SCAI: variants seen among roughly 807,000 people sequenced by gnomAD.
The protein encoded by SCAI is protein SCAI.
SCAI carries 24 observed loss-of-function variants against 92.2 expected under a neutral mutation model. The observed-to-expected ratio is 0.26, with a 90% CI of 0.19 to 0.37. SCAI has a LOEUF of 0.37. Ranked by LOEUF, SCAI falls within the 10% of genes least tolerant of loss-of-function variation. The probability of loss-of-function intolerance (pLI) is 1.00; values close to 1 mark genes in which losing one functional copy is unlikely to be tolerated. For missense variants in SCAI, 450 were observed against 736.2 expected, an observed-to-expected ratio of 0.61 and a Z score of 4.50; for synonymous variants, 261 against 258.6, an observed-to-expected ratio of 1.01 and a Z score of -0.09.
At position 125,046,196 on chromosome 9, in the gene SCAI, GATATATATATAT is replaced by G. The variant is rs71374222; in HGVS notation, c.230+9668_230+9679del. Among the ~76,000 whole-genome samples the G allele has an allele frequency of 3.9e-4, 20 of 51,880 alleles. No individual in the cohort carries two copies. In the East Asian group the frequency reaches 6.1e-3, roughly 16 times the overall value. The allele number at this position is 51,880 out of a possible 152,430, so 34.0% of individuals were successfully genotyped here. ...CAACAAGTGAATAAAGAAATTGTGA[GATATATATATAT>G]ATATATATATATATATGCACACACA... On this transcript the variant is annotated intron_variant, in intron 3 of 17. Transcript: ENST00000336505.
At chr9:124,960,574 A>G (rs906959310) in intron 17 of SCAI, among the ~76,000 whole-genome samples, 45 of 152,242 alleles carry the variant, frequency 3.0e-4, no homozygotes, top group Non-Finnish European at 4.4e-5. Context: ...GGTTTACACA[A>G]GAGTCCATAC....
At chr9:125,109,926 G>A (rs1169968901) in intron 2 of SCAI, among the ~76,000 whole-genome samples, 2 of 152,048 alleles carry the variant, frequency 1.3e-5, no homozygotes, top group Non-Finnish European at 2.9e-5. Context: ...GACCTCAAGT[G>A]ACCCACCCGC....
Position 124,943,273 on chromosome 9 carries a change from CAT to C in SCAI, c.*9532_*9533del, listed in dbSNP as rs778674414. 7 of 152,154 alleles carry C rather than the reference CAT, an allele frequency of 4.6e-5. No homozygotes were observed. The highest frequency in any genetic ancestry group is 1.3e-4 in the Admixed American group (2 of 15,266). The allele number at this position is 152,154 out of a possible 1,614,324, so 9.4% of individuals were successfully genotyped here. On this transcript the variant is annotated 3_prime_UTR_variant, in exon 18 of 18. Coordinates refer to ENST00000336505, the MANE Select transcript of SCAI (RefSeq NM_001144877.3). ...TTCAAAATTTATTCTACTGTTAACACATATAAAAACTATGAATCCAAACAGTT... is the reference window on the plus strand; with the variant it reads ...TTCAAAATTTATTCTACTGTTAACACATAAAAACTATGAATCCAAACAGTT...
Position 125,064,206 on chromosome 9 carries a change from T to TA in SCAI, c.99-8200dup, listed in dbSNP as rs1242748341. On this transcript the variant is annotated intron_variant, in intron 2 of 17. Coordinates refer to ENST00000336505, the MANE Select transcript of SCAI (RefSeq NM_001144877.3). ...CCCTCAGTAACTAACAAAAGAATCA[T>TA]AAAAAAAAGACTAACGATAGTAGGA... Among the ~76,000 whole-genome samples, 15 of 151,640 alleles carry TA rather than the reference T, an allele frequency of 9.9e-5. No homozygotes were observed. The East Asian group carries it at 2.5e-3, about 25-fold the overall frequency.
In SCAI at chr9:125,018,895, G is replaced by T; in HGVS notation, c.765C>A (p.Arg255=). ...GCAATGGGGCTCCTGTTTCAGCAAG[G>T]CGATTCGATGTGATAACAATGGTAT... ...DDNTIVITSN[R]LAETGAPLLE... is the part of the protein sequence containing the mutation. Residue 255 remains arginine (R), a synonymous_variant, in exon 9 of 18, where the codon CGC becomes CGA. Coordinates refer to ENST00000336505, the MANE Select transcript of SCAI (RefSeq NM_001144877.3). 1 of 1,613,894 alleles carries T rather than the reference G, an allele frequency of 6.2e-7. No homozygotes were observed. The highest frequency in any genetic ancestry group is 8.5e-7 in the Non-Finnish European group (1 of 1,179,940).
chr9:124,954,621 T>C (rs1254430462), intron 17 of SCAI, among the ~76,000 whole-genome samples: 3 of 152,228 alleles, frequency 2.0e-5, no homozygotes, highest in Non-Finnish European at 4.4e-5. Context: ...TAACATACCA[T>C]ACAATTCACC....
chr9:125,006,785 T>C (rs1040156153), intron 9 of SCAI, among the ~76,000 whole-genome samples: 1 of 152,044 alleles, frequency 6.6e-6, no homozygotes, highest in Non-Finnish European at 1.5e-5. Context: ...CCACTGCACC[T>C]GACCTATACT....
chr9:124,953,843 C>G (rs1339080203), intron 17 of SCAI, among the ~76,000 whole-genome samples: 1 of 152,220 alleles, frequency 6.6e-6, no homozygotes, highest in Non-Finnish European at 1.5e-5. Context: ...TAACTTCTCT[C>G]TACCTATAGG....
rs1429774577 is a variant in SCAI at position 124,943,997 on chromosome 9, T to C, written c.*8810A>G. On this transcript the variant is annotated 3_prime_UTR_variant, in exon 18 of 18. Coordinates refer to ENST00000336505, the MANE Select transcript of SCAI (RefSeq NM_001144877.3). The stretch of plus-strand genomic sequence containing the variant: ...GTTATTTTACTTGTAAACTCTACTA[T>C]GAAAATGTTAGGACTTTGTATTTGC... 6.6e-6 allele frequency: 1 copy of C among 152,248 alleles called. No homozygotes were observed. The highest frequency in any genetic ancestry group is 2.4e-5 in the African/African-American group (1 of 41,464). 9.4% of individuals were successfully genotyped at this position (152,248 alleles called of 1,614,324 possible). A position where few individuals can be genotyped will look rare whatever the true frequency, so the allele number is the denominator to read the frequency against.
chr9:125,104,917 C>T (rs1029948631), intron 2 of SCAI, among the ~76,000 whole-genome samples: 3 of 149,334 alleles, frequency 2.0e-5, no homozygotes, highest in African/African-American at 7.5e-5. Context: ...GAGATAATGC[C>T]ACTGCCCTCC....
intron 14 of SCAI, among the ~76,000 whole-genome samples, chr9:124,985,728 G>A (rs140375246): frequency 0.018 from 2,675 of 152,090 alleles, 73 homozygotes; most frequent in African/African-American, 0.061. Flanking sequence ...TTAGCCAGGC[G>A]TGGTGGCACA....
chr9:125,042,615 ATG>A (rs150983142), intron 3 of SCAI, among the ~76,000 whole-genome samples: 2,284 of 105,096 alleles, frequency 0.022, 59 homozygotes, highest in East Asian at 0.045. Flanking sequence ...CCACCAGAGT[ATG>A]TGTGTGTGTG....
chr9:125,052,501 G>C (rs909643540), intron 3 of SCAI, among the ~76,000 whole-genome samples: 2 of 151,932 alleles, frequency 1.3e-5, no homozygotes, highest in East Asian at 3.9e-4. Flanking sequence ...CAGGAGAATC[G>C]CTTGGAGGCA....
intron 2 of SCAI, among the ~76,000 whole-genome samples, chr9:125,058,405 C>G (rs1292798884): frequency 6.6e-6 from 1 of 152,056 alleles, no homozygotes; most frequent in Non-Finnish European, 1.5e-5. Context: ...TCCCCAGCTA[C>G]TAGGAAGGCT....
chr9:125,010,596 G>C (rs947047107), intron 9 of SCAI, among the ~76,000 whole-genome samples: 10 of 152,220 alleles, frequency 6.6e-5, no homozygotes, highest in Admixed American at 6.5e-4. Flanking sequence ...CTCCACCTCT[G>C]GGGGCAGGGC....
chr9:125,099,445 A>C (rs1242937257), intron 2 of SCAI, among the ~76,000 whole-genome samples: 1 of 152,032 alleles, frequency 6.6e-6, no homozygotes, highest in Non-Finnish European at 1.5e-5. Context: ...ATGCCTGGCT[A>C]ATTTTTTTGT....
intron 3 of SCAI, among the ~76,000 whole-genome samples, chr9:125,049,682 A>C (rs565026429): frequency 6.6e-6 from 1 of 152,360 alleles, no homozygotes; most frequent in Non-Finnish European, 1.5e-5. Context: ...CACAGCTGGG[A>C]AAATGAAAGG....
intron 17 of SCAI, among the ~76,000 whole-genome samples, chr9:124,955,447 T>A (rs936765029): frequency 6.6e-6 from 1 of 151,806 alleles, no homozygotes; most frequent in Non-Finnish European, 1.5e-5. Context: ...ATTCGTTTTT[T>A]AGTTTCTACC....
At chr9:124,962,150 CTTTTTTT>C in intron 17 of SCAI, among the ~76,000 whole-genome samples, 1 of 63,604 alleles carries the variant, frequency 1.6e-5, no homozygotes, top group African/African-American at 6.9e-5. Flanking sequence ...TAATATATGT[CTTTTTTT>C]TTTTTTTTTT....
Sources: allele counts gnomAD v4.1 joint callset (sites outside exome capture counted in the v4.1 genomes callset), GRCh38; gene constraint gnomAD v4.1.1; transcripts MANE v1.5; gene names NCBI Gene and HGNC (gene_info 2026-07-23, HGNC 2026-07-21).